The following CRAMP1 variants were observed in gnomAD, a reference collection of about 807,000 sequenced individuals.
The protein encoded by CRAMP1 is protein cramped-like.
In CRAMP1, 50 loss-of-function variants were observed where a neutral mutation model predicts 115.4. The ratio of observed to expected loss-of-function variants is 0.43; its 90% CI spans 0.35 to 0.55. The LOEUF is 0.55. Among genes scored for constraint, CRAMP1 ranks in the 20% least tolerant of loss-of-function variants. The pLI is 0.01. For missense variants in CRAMP1, 1,679 were observed against 1,721.7 expected, an observed-to-expected ratio of 0.98 and a Z score of 0.44; for synonymous variants, 866 against 745.4, an observed-to-expected ratio of 1.16 and a Z score of -2.64.
intron 6 of CRAMP1, among the ~76,000 whole-genome samples, chr16:1,647,739 ACT>A (rs1219322539): frequency 7.4e-6 from 1 of 134,440 alleles, no homozygotes; most frequent in African/African-American, 2.9e-5. Flanking sequence ...ACAGAGTGAG[ACT>A]CTGCCTTAAA....
intron 6 of CRAMP1, chr16:1,646,978 TTCTGTTC>T: frequency 2.8e-6 from 2 of 701,810 alleles, no homozygotes; most frequent in East Asian, 5.4e-5. Context: ...ATTCTGGACC[TTCTGTTC>T]TGTCAACTTT....
intron 16 of CRAMP1, 31 bp from the exon 17 acceptor site, chr16:1,667,304 G>A: frequency 1.2e-6 from 2 of 1,604,034 alleles, no homozygotes; most frequent in Non-Finnish European, 1.7e-6. Flanking sequence ...GGTGCACCCT[G>A]CGGCTGCTCA....
rs976615496 is a variant in CRAMP1 at position 1,672,037 on chromosome 16, G to T, written c.3645+1228G>T. ...TCTCTGTCTCTTCCCCTGTTTGTGC[G>T]CATGTTCCTAAGTGCTGGGCTCTGT... On this transcript the variant is annotated intron_variant, in intron 20 of 20. Transcript: ENST00000397412. The surrounding 1 kb of genome is among the most constrained non-coding windows in gnomAD (Gnocchi z 4.9). 6.6e-6 allele frequency among the ~76,000 whole-genome samples: 1 copy of T among 152,160 alleles called. No individual in the cohort carries two copies. The highest frequency in any genetic ancestry group is 1.5e-5 in the Non-Finnish European group (1 of 68,028).
At chr16:1,631,282 C>T (rs1305153155) in intron 3 of CRAMP1, among the ~76,000 whole-genome samples, 1 of 152,232 alleles carries the variant, frequency 6.6e-6, no homozygotes, top group Non-Finnish European at 1.5e-5. Flanking sequence ...TCCACCATGC[C>T]ATTGTCGGCT....
rs2142195797 is a variant in CRAMP1 at position 1,653,100 on chromosome 16, GCGGAACAACCA to G, written c.984_994del (p.Asn329LeufsTer38). ...TGAAAGTCCCTATAGAGCTACAGCC[GCGGAACAACCA>G]CGCCTGGGCCCGTGTGCAGAGCCTT... On this transcript the variant is annotated frameshift_variant, in exon 8 of 21. Coordinates refer to ENST00000397412, the MANE Select transcript of CRAMP1 (RefSeq NM_020825.4). LOFTEE classifies it high-confidence loss of function. The G allele has an allele frequency of 6.2e-7, 1 of 1,612,478 alleles. No homozygotes were observed. The highest frequency in any genetic ancestry group is 8.5e-7 in the Non-Finnish European group (1 of 1,179,262).
At chr16:1,673,051 A>C (rs1337801025) in intron 20 of CRAMP1, among the ~76,000 whole-genome samples, 1 of 144,344 alleles carries the variant, frequency 6.9e-6, no homozygotes. Flanking sequence ...TGTCCTTGGG[A>C]TTCTGACGGG....
intron 1 of CRAMP1, among the ~76,000 whole-genome samples, chr16:1,613,030 C>G (rs919843295): frequency 1.4e-4 from 21 of 152,166 alleles, no homozygotes; most frequent in African/African-American, 4.8e-4. Flanking sequence ...GGCGAGTTCA[C>G]TCTGGTGGCC....
intron 4 of CRAMP1, among the ~76,000 whole-genome samples, chr16:1,634,906 T>G (rs184052354): frequency 6.6e-4 from 101 of 152,238 alleles, no homozygotes; most frequent in African/African-American, 2.3e-3. Flanking sequence ...TTTTGTTTTG[T>G]TTTGTTTTTT....
chr16:1,642,319 G>A (rs1885278431), intron 6 of CRAMP1, among the ~76,000 whole-genome samples: 1 of 152,220 alleles, frequency 6.6e-6, no homozygotes, highest in African/African-American at 2.4e-5. Context: ...TGCTGGGCCA[G>A]CACAGGCCTT....
At chr16:1,670,503 C>T (rs552506285) in intron 19 of CRAMP1, 161 bp from the exon 20 acceptor site, 114 of 706,750 alleles carry the variant, frequency 1.6e-4, no homozygotes, top group East Asian at 2.2e-4. Context: ...GAGCTCGTCA[C>T]GGCGTGTTGA....
At chr16:1,659,628 C>G (rs762154511) in intron 10 of CRAMP1, among the ~76,000 whole-genome samples, 1 of 152,178 alleles carries the variant, frequency 6.6e-6, no homozygotes, top group Non-Finnish European at 1.5e-5. Flanking sequence ...ACCTCATGAT[C>G]CGCTCGTCTC....
intron 6 of CRAMP1, among the ~76,000 whole-genome samples, chr16:1,641,481 G>C (rs763380406): frequency 1.3e-5 from 2 of 152,146 alleles, no homozygotes; most frequent in Non-Finnish European, 2.9e-5. Context: ...TGCTTTTTGT[G>C]CTCCTTTTCC....
In CRAMP1 at chr16:1,666,046, T is replaced by C. The variant is rs1393960756; in HGVS notation, c.2753-27T>C. The C allele has an allele frequency of 2.0e-6, 3 of 1,501,446 alleles. No homozygotes were observed. Among genetic ancestry groups the C allele is most frequent in the Non-Finnish European group, 2.7e-6 (3 of 1,097,824 alleles). 93.0% of individuals were successfully genotyped at this position (1,501,446 alleles called of 1,614,324 possible). The stretch of plus-strand genomic sequence containing the variant: ...GAGGGCATGGCGGGCGGGCTCGACA[T>C]GTCTGCTTTTGCCCTCGCCCTCGCA... On this transcript the variant is annotated intron_variant, in intron 14 of 20. Coordinates refer to ENST00000397412, the MANE Select transcript of CRAMP1 (RefSeq NM_020825.4). The surrounding 1 kb of genome is among the most constrained non-coding windows in gnomAD (Gnocchi z 5.0).
intron 2 of CRAMP1, 82 bp downstream of exon 2, chr16:1,615,067 G>C (rs1355223213): frequency 1.1e-6 from 1 of 869,734 alleles, no homozygotes; most frequent in Non-Finnish European, 1.5e-6. Flanking sequence ...GCCCCAGCCG[G>C]GCTCCACCCT....
At chr16:1,658,397 G>A (rs777672071) in intron 10 of CRAMP1, among the ~76,000 whole-genome samples, 7 of 152,158 alleles carry the variant, frequency 4.6e-5, no homozygotes, top group Non-Finnish European at 7.4e-5. Context: ...GGAGAGACAT[G>A]GCGCCTGTGT....
chr16:1,642,912 C>T (rs2036644526), intron 6 of CRAMP1, among the ~76,000 whole-genome samples: 2 of 152,200 alleles, frequency 1.3e-5, no homozygotes, highest in Admixed American at 6.5e-5. Flanking sequence ...TGCTGCCCAG[C>T]GGGGGCGTGG....
intron 6 of CRAMP1, among the ~76,000 whole-genome samples, chr16:1,649,599 C>G (rs2036705894): frequency 6.6e-6 from 1 of 152,066 alleles, no homozygotes; most frequent in Non-Finnish European, 1.5e-5. Context: ...ACACCATTCT[C>G]CTGCCTCAGC....
Position 1,666,503 on chromosome 16 carries a change from G to A in CRAMP1, c.2939G>A (p.Gly980Asp), listed in dbSNP as rs372466817. ...LPALDTEGLS[G>D]ISPLSSDEVT... is the part of the protein sequence containing the mutation. The stretch of plus-strand genomic sequence containing the variant: ...GCCTTGGACACCGAGGGCTTGTCTG[G>A]CATCTCTCCACTGTCTTCAGACGAG... Residue 980 changes from glycine (G) to aspartate (D), a missense_variant, in exon 16 of 21, where the codon GGC (glycine) becomes GAC (aspartate). Physicochemically the swap from Gly to Asp is moderately conservative, Grantham distance 94. Coordinates refer to ENST00000397412, the MANE Select transcript of CRAMP1 (RefSeq NM_020825.4). The surrounding 1 kb of genome is among the most constrained non-coding windows in gnomAD (Gnocchi z 5.0). 70 of 1,613,806 alleles carry A rather than the reference G, an allele frequency of 4.3e-5. No homozygotes were observed. Among genetic ancestry groups the A allele is most frequent in the Middle Eastern group, 1.6e-4 (1 of 6,082 alleles).
At chr16:1,613,186 C>A (rs1252453088) in intron 1 of CRAMP1, among the ~76,000 whole-genome samples, 2 of 152,002 alleles carry the variant, frequency 1.3e-5, no homozygotes, top group Non-Finnish European at 2.9e-5. Context: ...GAAGTCTTGC[C>A]ACGAAATCCC....
Sources: gnomAD v4.1 joint callset for allele counts (sites outside exome capture counted in the v4.1 genomes callset) on GRCh38, gnomAD v4.1.1 for gene constraint, Gnocchi (gnomAD v3.1) non-coding constraint, MANE v1.5 for transcripts, NCBI Gene and HGNC (gene_info 2026-07-23, HGNC 2026-07-21) for gene names.